The following ANXA4 variants were observed in gnomAD, a reference collection of about 807,000 sequenced individuals.
ANXA4 encodes annexin A4, also known as 35-beta calcimedin.
ANXA4 carries 39 observed loss-of-function variants against 49.8 expected under a neutral mutation model. The ratio of observed to expected loss-of-function variants is 0.78; its 90% CI spans 0.61 to 1.02. The LOEUF is 1.02. Ranked by LOEUF, ANXA4 falls within the 50% of genes least tolerant of loss-of-function variation. The probability of loss-of-function intolerance (pLI) is 0.00; values close to 1 mark genes in which losing one functional copy is unlikely to be tolerated. For missense variants in ANXA4, 360 were observed against 410.1 expected, an observed-to-expected ratio of 0.88 and a Z score of 1.05; for synonymous variants, 134 against 152.5, an observed-to-expected ratio of 0.88 and a Z score of 0.89.
chr2:69,667,060 T>TAATAA lies in ANXA4; in HGVS notation n.766+13787_766+13791dup, dbSNP rs1169808688. On this transcript the variant is annotated intron_variant and non_coding_transcript_variant, in intron 2 of 3. Transcript: ENST00000418066. Reference sequence around the variant, plus strand: ...GACTCCATCTCAAAATAAAATAAAATAATAAAATAAAATGAAATAAAATAA... The same window carrying TAATAA: ...GACTCCATCTCAAAATAAAATAAAATAATAAAATAAAATAAAATGAAATAAAATAA... 5.3e-5 allele frequency among the ~76,000 whole-genome samples: 8 copies of TAATAA among 150,602 alleles called. No individual in the cohort carries two copies. The South Asian group carries it at 1.5e-3, about 28-fold the overall frequency.
intron 2 of ANXA4, among the ~76,000 whole-genome samples, chr2:69,683,691 T>C (rs1677685615): frequency 6.6e-6 from 1 of 151,972 alleles, no homozygotes; most frequent in Non-Finnish European, 1.5e-5. Flanking sequence ...TACTAGAGAG[T>C]ATATGGAGAC....
In ANXA4 at chr2:69,709,140, T is replaced by C. The variant is rs1678596497; in HGVS notation, n.767-11634T>C. Among the ~76,000 whole-genome samples, 5 of 152,314 alleles carry C rather than the reference T, an allele frequency of 3.3e-5. No individual in the cohort carries two copies. The South Asian group carries it at 1.0e-3, about 32-fold the overall frequency. ...GTAATCCCTATAGGAGCATCTTAAG[T>C]TCCTTAAATTTTTTCCTCTCAATAA... On this transcript the variant is annotated intron_variant and non_coding_transcript_variant, in intron 2 of 3. Transcript: ENST00000418066.
intron 1 of ANXA4, among the ~76,000 whole-genome samples, chr2:69,752,165 G>A (rs1168156749): frequency 6.6e-6 from 1 of 152,122 alleles, no homozygotes; most frequent in African/African-American, 2.4e-5. Context: ...GCACACTGAA[G>A]GAATGGCATG....
At chr2:69,757,966 A>G (rs1449345701) in intron 1 of ANXA4, among the ~76,000 whole-genome samples, 2 of 151,988 alleles carry the variant, frequency 1.3e-5, no homozygotes, top group East Asian at 1.9e-4. Flanking sequence ...CTCAAAAAAA[A>G]AAAAAAAAAA....
At chr2:69,773,020 A>AAAAG (rs60683880) in intron 1 of ANXA4, among the ~76,000 whole-genome samples, 12 of 151,814 alleles carry the variant, frequency 7.9e-5, no homozygotes, top group South Asian at 2.1e-4. Flanking sequence ...TCTCAAAAAA[A>AAAAG]AAAGAAAGAA....
At chr2:69,681,610 G>A (rs993912693) in intron 2 of ANXA4, among the ~76,000 whole-genome samples, 1 of 152,062 alleles carries the variant, frequency 6.6e-6, no homozygotes, top group Non-Finnish European at 1.5e-5. Context: ...GGGATTACAG[G>A]CATGAGCCTC....
intron 1 of ANXA4, among the ~76,000 whole-genome samples, chr2:69,773,123 C>T (rs1300531699): frequency 1.3e-5 from 2 of 152,164 alleles, no homozygotes; most frequent in Non-Finnish European, 2.9e-5. Flanking sequence ...TGTGTGCTGT[C>T]CAAGTTTCAA....
intron 1 of ANXA4, among the ~76,000 whole-genome samples, chr2:69,778,566 G>A (rs1263928060): frequency 4.6e-5 from 7 of 151,714 alleles, no homozygotes; most frequent in Admixed American, 2.6e-4. Context: ...ACCTGACGTC[G>A]GGAGTTCGAG....
intron 2 of ANXA4, among the ~76,000 whole-genome samples, chr2:69,705,519 T>G (rs527404334): frequency 2.0e-5 from 3 of 152,356 alleles, no homozygotes; most frequent in Admixed American, 2.0e-4. Flanking sequence ...CCATCCTGGT[T>G]GTAACCAGAA....
chr2:69,664,485 G>A (rs899938064), intron 2 of ANXA4, among the ~76,000 whole-genome samples: 10 of 152,080 alleles, frequency 6.6e-5, no homozygotes, highest in Admixed American at 2.6e-4. Flanking sequence ...CACTTACTAT[G>A]TGCCAGTCAT....
chr2:69,706,327 A>C (rs1441068142), intron 2 of ANXA4, among the ~76,000 whole-genome samples: 1 of 106,930 alleles, frequency 9.4e-6, no homozygotes, highest in South Asian at 2.8e-4. Context: ...TTTTTGAGGA[A>C]TCTCACTCTG....
At chr2:69,676,915 T>G (rs748053209) in intron 2 of ANXA4, among the ~76,000 whole-genome samples, 7 of 152,072 alleles carry the variant, frequency 4.6e-5, no homozygotes, top group Non-Finnish European at 7.4e-5. Context: ...CTATTCCCAT[T>G]CCTAATAGAT....
At chr2:69,769,852 G>A (rs903004229) in intron 1 of ANXA4, among the ~76,000 whole-genome samples, 1 of 152,048 alleles carries the variant, frequency 6.6e-6, no homozygotes, top group Non-Finnish European at 1.5e-5. Context: ...TAGTAGAGAT[G>A]GGGTTTCCTC....
chr2:69,779,459 C>T (rs1672110288), intron 1 of ANXA4, among the ~76,000 whole-genome samples: 1 of 152,044 alleles, frequency 6.6e-6, no homozygotes, highest in Admixed American at 6.5e-5. Context: ...GTCACTACTT[C>T]TGATAAAGTC....
At chr2:69,802,491 G>A (rs1225166972) in intron 3 of ANXA4, among the ~76,000 whole-genome samples, 1 of 151,928 alleles carries the variant, frequency 6.6e-6, no homozygotes, top group African/African-American at 2.4e-5. Flanking sequence ...GGTGGGCAGA[G>A]CACAAGGTCA....
rs1366666808 is a variant in ANXA4 at position 69,678,139 on chromosome 2, C to T, written n.766+24857C>T. ...TCTGGAACTGAAACTGCAATATCTG[C>T]GAGGTTTATCTGTACACGTTTTGCC... On this transcript the variant is annotated intron_variant and non_coding_transcript_variant, in intron 2 of 3. Transcript: ENST00000418066. 5.9e-5 allele frequency among the ~76,000 whole-genome samples: 9 copies of T among 152,052 alleles called. No individual in the cohort carries two copies. In the East Asian group the frequency reaches 1.7e-3, roughly 29 times the overall value.
At chr2:69,787,419 T>C (rs192803381) in intron 2 of ANXA4, among the ~76,000 whole-genome samples, 99 of 152,370 alleles carry the variant, frequency 6.5e-4, no homozygotes, top group Middle Eastern at 3.4e-3. Context: ...GTTTTTTAAG[T>C]GCTGTGTCTG....
At position 69,814,616 on chromosome 2, in the gene ANXA4, T is replaced by C. The variant is rs181864930; in HGVS notation, c.535-1485T>C. On this transcript the variant is annotated intron_variant, in intron 8 of 12. Coordinates refer to ENST00000394295, the MANE Select transcript of ANXA4 (RefSeq NM_001153.5). ...TATCTGCCTTGGCCTTCCAAAGTGCTATGATTACAGGCATGAGCCACCGTG... is the reference window on the plus strand; with the variant it reads ...TATCTGCCTTGGCCTTCCAAAGTGCCATGATTACAGGCATGAGCCACCGTG... Among the ~76,000 whole-genome samples, 15 of 152,118 alleles carry C rather than the reference T, an allele frequency of 9.9e-5. No individual in the cohort carries two copies. The East Asian group carries it at 2.7e-3, about 28-fold the overall frequency.
chr2:69,691,090 G>A (rs1167917674), intron 2 of ANXA4, among the ~76,000 whole-genome samples: 2 of 151,602 alleles, frequency 1.3e-5, no homozygotes, highest in Non-Finnish European at 2.9e-5. Context: ...TGGGAGAACC[G>A]CCACTTGTAC....
Sources: allele counts gnomAD v4.1 joint callset (sites outside exome capture counted in the v4.1 genomes callset), GRCh38; gene constraint gnomAD v4.1.1; transcripts MANE v1.5; gene names NCBI Gene and HGNC (gene_info 2026-07-23, HGNC 2026-07-21).